Variants in MAGI1 observed in about 807,000 individuals in gnomAD.
The protein encoded by MAGI1 is membrane-associated guanylate kinase, WW and PDZ domain-containing protein 1.
MAGI1 carries 58 observed loss-of-function variants against 139.9 expected under a neutral mutation model. That is an observed-to-expected ratio of 0.41 (90% confidence interval 0.34 to 0.52). MAGI1 has a LOEUF of 0.52. MAGI1 is among the 20% of genes least tolerant of loss of function. The pLI, the probability that MAGI1 is intolerant of heterozygous loss-of-function variation, is 0.12. For missense variants in MAGI1, 1,874 were observed against 1,901.6 expected (o/e 0.99, Z 0.27); for synonymous variants, 812 against 737.9 (o/e 1.10, Z -1.63).
intron 1 of MAGI1, among the ~76,000 whole-genome samples, chr3:65,862,107 G>C (rs1340532376): frequency 6.6e-6 from 1 of 152,090 alleles, no homozygotes; most frequent in Non-Finnish European, 1.5e-5. Context: ...TGGTTCTTTT[G>C]TTTACCTTCT....
intron 2 of MAGI1, among the ~76,000 whole-genome samples, chr3:65,520,279 C>T (rs770404070): frequency 6.6e-5 from 10 of 152,274 alleles, no homozygotes; most frequent in East Asian, 1.9e-4. Context: ...AAAGAATTCA[C>T]GATAGCTCAA....
intron 1 of MAGI1, among the ~76,000 whole-genome samples, chr3:65,638,431 T>C (rs532292242): frequency 7.6e-4 from 116 of 151,768 alleles, no homozygotes; most frequent in African/African-American, 2.8e-3. Context: ...GACTGCAAAC[T>C]AATTAAAACT....
In MAGI1 at chr3:65,971,795, C is replaced by G. The variant is rs80098598; in HGVS notation, c.313+66201G>C. On this transcript the variant is annotated intron_variant, in intron 1 of 22. Transcript: ENST00000402939. The stretch of plus-strand genomic sequence containing the variant: ...CCCTGGACTTTAACCAGCTCTACTT[C>G]TCTCCACCTCTGTACCAGTGACCAA... Among the ~76,000 whole-genome samples, 119 of 152,308 alleles carry G rather than the reference C, an allele frequency of 7.8e-4. No homozygotes were observed. The East Asian group carries it at 0.022, about 28-fold the overall frequency.
chr3:65,472,773 T>C (rs542205323), intron 4 of MAGI1, among the ~76,000 whole-genome samples: 1 of 152,344 alleles, frequency 6.6e-6, no homozygotes, highest in East Asian at 1.9e-4. Context: ...GTTTGTGCCC[T>C]GGAGGAGAGT....
At chr3:65,490,844 AAAAAAAAAAAAAAG>A (rs1195353135) in intron 3 of MAGI1, among the ~76,000 whole-genome samples, 1 of 4,476 alleles carries the variant, frequency 2.2e-4, no homozygotes, top group Non-Finnish European at 8.6e-4. Context: ...ACTCTGTCTC[AAAAAAAAAAAAAAG>A]AAAAAAGAAA....
intron 1 of MAGI1, among the ~76,000 whole-genome samples, chr3:65,941,822 C>G (rs2063329121): frequency 6.6e-6 from 1 of 152,164 alleles, no homozygotes; most frequent in Non-Finnish European, 1.5e-5. Flanking sequence ...AACAGGGTCT[C>G]ACTCTGCTGA....
At chr3:65,959,601 T>TTTATTATTATTA (rs34295973) in intron 1 of MAGI1, among the ~76,000 whole-genome samples, 8 of 127,334 alleles carry the variant, frequency 6.3e-5, no homozygotes, top group East Asian at 2.3e-4. Context: ...TCCCAGCATT[T>TTTATTATTATTA]TTATTATTAT....
chr3:65,890,290 A>G (rs919359437), intron 1 of MAGI1, among the ~76,000 whole-genome samples: 8 of 152,134 alleles, frequency 5.3e-5, no homozygotes, highest in African/African-American at 2.4e-5. Context: ...GCGTCAACCC[A>G]GGAGGCGGAG....
intron 2 of MAGI1, among the ~76,000 whole-genome samples, chr3:65,550,673 G>T (rs1010127614): frequency 2.0e-5 from 3 of 152,066 alleles, no homozygotes; most frequent in Non-Finnish European, 2.9e-5. Context: ...AGAAGAACTG[G>T]AATTCCCAAG....
At chr3:66,000,607 A>G (rs1484048155) in intron 1 of MAGI1, among the ~76,000 whole-genome samples, 2 of 152,272 alleles carry the variant, frequency 1.3e-5, no homozygotes, top group Admixed American at 1.3e-4. Context: ...GGCACCAGAC[A>G]TGATGAAAGG....
At chr3:65,473,671 A>G (rs1285407943) in intron 4 of MAGI1, among the ~76,000 whole-genome samples, 2 of 150,472 alleles carry the variant, frequency 1.3e-5, no homozygotes, top group African/African-American at 4.9e-5. Context: ...AGTCCTGCCA[A>G]TGTTCCCAGA....
intron 1 of MAGI1, among the ~76,000 whole-genome samples, chr3:65,914,605 A>G (rs1177344835): frequency 6.6e-6 from 1 of 152,182 alleles, no homozygotes; most frequent in Non-Finnish European, 1.5e-5. Flanking sequence ...AATCCAGCCC[A>G]CAGGCTACCA....
At chr3:65,662,358 G>A (rs2086248082) in intron 1 of MAGI1, among the ~76,000 whole-genome samples, 1 of 152,194 alleles carries the variant, frequency 6.6e-6, no homozygotes, top group Non-Finnish European at 1.5e-5. Flanking sequence ...TAAAATGCCA[G>A]ACAGTAATTA....
intron 1 of MAGI1, among the ~76,000 whole-genome samples, chr3:65,878,540 A>T (rs1170697008): frequency 6.6e-6 from 1 of 151,778 alleles, no homozygotes; most frequent in Non-Finnish European, 1.5e-5. Flanking sequence ...AAAAGAACGC[A>T]GACTTATTTT....
intron 1 of MAGI1, among the ~76,000 whole-genome samples, chr3:65,790,017 T>C (rs574140867): frequency 8.7e-4 from 133 of 152,336 alleles, no homozygotes; most frequent in African/African-American, 3.2e-3. Flanking sequence ...ACGTATTAAA[T>C]GTATTGCATG....
chr3:65,977,694 G>C (rs531465704), intron 1 of MAGI1, among the ~76,000 whole-genome samples: 2 of 151,904 alleles, frequency 1.3e-5, no homozygotes, highest in Admixed American at 1.3e-4. Context: ...CTGGATGATA[G>C]AGTGAGACTC....
intron 1 of MAGI1, among the ~76,000 whole-genome samples, chr3:65,639,389 A>G (rs1326513908): frequency 2.0e-5 from 3 of 152,204 alleles, no homozygotes; most frequent in Non-Finnish European, 1.5e-5. Context: ...ATGAGTCAGA[A>G]AACAAAATAA....
intron 1 of MAGI1, among the ~76,000 whole-genome samples, chr3:65,661,068 A>T (rs900364881): frequency 4.6e-5 from 7 of 152,180 alleles, no homozygotes; most frequent in African/African-American, 1.7e-4. Context: ...CTTTCCTGAC[A>T]TCAGTTTAGA....
intron 1 of MAGI1, among the ~76,000 whole-genome samples, chr3:65,903,829 G>A (rs151293997): frequency 0.012 from 1,897 of 152,094 alleles, 35 homozygotes; most frequent in African/African-American, 0.043. Context: ...CCAATGTGGT[G>A]AAACCCTGTC....
Sources: allele counts gnomAD v4.1 joint callset (sites outside exome capture counted in the v4.1 genomes callset), GRCh38; gene constraint gnomAD v4.1.1; transcripts MANE v1.5; gene names NCBI Gene and HGNC (gene_info 2026-07-23, HGNC 2026-07-21).